The following LINGO2 variants were observed in gnomAD, a reference collection of about 807,000 sequenced individuals.
LINGO2 encodes the protein leucine rich repeat and Ig domain containing 2.
Under a neutral mutation model 30.6 loss-of-function variants are expected in LINGO2, and 14 were observed. The ratio of observed to expected loss-of-function variants is 0.46; its 90% CI spans 0.30 to 0.72. The LOEUF is 0.72. Ranked by LOEUF, LINGO2 falls within the 30% of genes least tolerant of loss-of-function variation. The pLI is 0.07. For synonymous variants in LINGO2, 317 were observed against 288.5 expected (o/e 1.10, Z -1.00); for missense variants, 729 against 751.7 (o/e 0.97, Z 0.35).
At chr9:28,379,619 A>G (rs375834333) in intron 2 of LINGO2, among the ~76,000 whole-genome samples, 1 of 152,152 alleles carries the variant, frequency 6.6e-6, no homozygotes, top group Non-Finnish European at 1.5e-5. Context: ...GATCAACAGG[A>G]AATGCGATGT....
At chr9:29,045,929 T>C in the LINGO2 span, among the ~76,000 whole-genome samples, 524 of 152,296 alleles carry the variant, frequency 3.4e-3, 6 homozygotes, top group African/African-American at 0.012. Flanking sequence ...GTGTTTCTGA[T>C]TTGGCTCTCA....
Position 28,416,450 on chromosome 9 carries a change from A to G in LINGO2, c.-278-43582T>C, listed in dbSNP as rs140350443. On this transcript the variant is annotated intron_variant, in intron 2 of 5. Transcript: ENST00000379992. ...CATCCACAATTTACTAAAGTGTGTC[A>G]TCACCTCACTATCACTTAAAATAGA... 3.2e-3 allele frequency among the ~76,000 whole-genome samples: 489 copies of G among 152,294 alleles called. 3 individuals are homozygous for G. Among genetic ancestry groups the G allele is most frequent in the African/African-American group, 0.011 (471 of 41,568 alleles).
the LINGO2 span, among the ~76,000 whole-genome samples, chr9:29,135,578 G>C: frequency 6.7e-6 from 1 of 148,190 alleles, no homozygotes; most frequent in Non-Finnish European, 1.5e-5. Flanking sequence ...AAAAAAAATA[G>C]AGATTGTCTT....
chr9:28,028,746 ATTT>A (rs1212199531), intron 4 of LINGO2, among the ~76,000 whole-genome samples: 1 of 151,962 alleles, frequency 6.6e-6, no homozygotes, highest in South Asian at 2.1e-4. Flanking sequence ...TGTTTTTTGT[ATTT>A]TTTTTCTTTT....
chr9:28,769,495 TATATATATATATATATATATA>T, the LINGO2 span, among the ~76,000 whole-genome samples: 1 of 11,722 alleles, frequency 8.5e-5, no homozygotes, highest in Non-Finnish European at 1.3e-4. Context: ...TATATATATA[TATATATATATATATATATATA>T]TATTTTTTTT....
At chr9:29,049,025 C>T in the LINGO2 span, among the ~76,000 whole-genome samples, 400 of 152,226 alleles carry the variant, frequency 2.6e-3, 2 homozygotes, top group African/African-American at 9.2e-3. Context: ...AGAATGAAGA[C>T]ACAAGCCACT....
rs188870475 is a variant in LINGO2 at position 28,132,203 on chromosome 9, A to G, written c.-86-119798T>C. ...TTGCATATTATGTTCTATGTCGTCTATGTTTCTACTGACCCTGACTTTTCT... is the reference window on the plus strand; with the variant it reads ...TTGCATATTATGTTCTATGTCGTCTGTGTTTCTACTGACCCTGACTTTTCT... On this transcript the variant is annotated intron_variant, in intron 4 of 5. Transcript: ENST00000379992. Among the ~76,000 whole-genome samples the G allele has an allele frequency of 1.3e-3, 205 of 152,308 alleles. 1 individual carries two copies. The highest frequency in any genetic ancestry group is 4.1e-3 in the Admixed American group (62 of 15,288).
At chr9:28,002,235 A>G (rs181763726) in intron 5 of LINGO2, among the ~76,000 whole-genome samples, 56 of 151,422 alleles carry the variant, frequency 3.7e-4, no homozygotes, top group Non-Finnish European at 7.1e-4. Context: ...TCAGTGCCCA[A>G]CAAATTAAAT....
chr9:28,860,404 C>T, the LINGO2 span, among the ~76,000 whole-genome samples: 6 of 151,930 alleles, frequency 3.9e-5, no homozygotes, highest in Non-Finnish European at 7.4e-5. Context: ...ACTGACCTTC[C>T]CCATGCTTGA....
the LINGO2 span, among the ~76,000 whole-genome samples, chr9:28,810,015 T>G: frequency 6.6e-6 from 1 of 152,198 alleles, no homozygotes; most frequent in African/African-American, 2.4e-5. Context: ...AAATCTTTGC[T>G]TTGGCATCTG....
the LINGO2 span, among the ~76,000 whole-genome samples, chr9:29,017,589 C>T: frequency 6.6e-6 from 1 of 152,004 alleles, no homozygotes; most frequent in Non-Finnish European, 1.5e-5. Flanking sequence ...TAAACACTGA[C>T]CCTGCAAGCC....
intron 1 of LINGO2, among the ~76,000 whole-genome samples, chr9:28,573,352 T>C (rs868243441): frequency 2.6e-5 from 4 of 152,332 alleles, no homozygotes; most frequent in African/African-American, 9.6e-5. Flanking sequence ...ACTAATTGCA[T>C]ATTTAATTAT....
intron 4 of LINGO2, among the ~76,000 whole-genome samples, chr9:28,285,977 T>C (rs1477882342): frequency 6.6e-6 from 1 of 152,156 alleles, no homozygotes; most frequent in African/African-American, 2.4e-5. Flanking sequence ...TCAAAGTTTG[T>C]GAAAGCTCGT....
chr9:28,645,163 G>A (rs1177656985), intron 1 of LINGO2, among the ~76,000 whole-genome samples: 1 of 151,956 alleles, frequency 6.6e-6, no homozygotes, highest in Non-Finnish European at 1.5e-5. Context: ...CCTTAATTCG[G>A]TGTTTTCCTA....
At position 28,525,855 on chromosome 9, in the gene LINGO2, A is replaced by G. The variant is rs181418316; in HGVS notation, c.-364-49830T>C. ...CGGATCACGAGGTCAGGAGATGGAG[A>G]CCATCCTGGCTAACGCGGTGAAACC... On this transcript the variant is annotated intron_variant, in intron 1 of 5. Coordinates refer to ENST00000379992, the Ensembl canonical transcript of LINGO2. Among the ~76,000 whole-genome samples the G allele has an allele frequency of 1.9e-3, 284 of 152,178 alleles. 1 individual carries two copies. Among genetic ancestry groups the G allele is most frequent in the Non-Finnish European group, 2.4e-3 (166 of 67,994 alleles).
At chr9:28,184,828 A>G (rs1175516178) in intron 4 of LINGO2, among the ~76,000 whole-genome samples, 5 of 152,224 alleles carry the variant, frequency 3.3e-5, no homozygotes, top group African/African-American at 1.2e-4. Context: ...ACATGGTACA[A>G]GAAAACATCT....
chr9:28,527,488 C>T (rs141355117), intron 1 of LINGO2, among the ~76,000 whole-genome samples: 48 of 152,258 alleles, frequency 3.2e-4, no homozygotes, highest in African/African-American at 1.1e-3. Flanking sequence ...AATGGCCTCC[C>T]ATTCCTGCTG....
At chr9:28,627,038 G>T (rs1451349007) in intron 1 of LINGO2, among the ~76,000 whole-genome samples, 1 of 151,490 alleles carries the variant, frequency 6.6e-6, no homozygotes, top group Non-Finnish European at 1.5e-5. Flanking sequence ...TTTTTTAACG[G>T]TTGTTTTTGA....
chr9:28,865,069 A>G, the LINGO2 span, among the ~76,000 whole-genome samples: 1 of 152,172 alleles, frequency 6.6e-6, no homozygotes, highest in Non-Finnish European at 1.5e-5. Context: ...CTGAAAGAGT[A>G]GCAGGAATTA....
Sources: allele counts gnomAD v4.1 joint callset (sites outside exome capture counted in the v4.1 genomes callset), GRCh38; gene constraint gnomAD v4.1.1; transcripts MANE v1.5; gene names NCBI Gene and HGNC (gene_info 2026-07-23, HGNC 2026-07-21).